The following BMAL2 variants were observed in gnomAD, a reference collection of about 807,000 sequenced individuals.
BMAL2 encodes the protein basic helix-loop-helix ARNT like 2.
chr12:27,363,361 A>C, the BMAL2 span, among the ~76,000 whole-genome samples: 1 of 152,176 alleles, frequency 6.6e-6, no homozygotes, highest in Non-Finnish European at 1.5e-5. Context: ...CAAGTCATAT[A>C]TTATATATGT....
chr12:27,363,699 A>C, the BMAL2 span, among the ~76,000 whole-genome samples: 73 of 152,290 alleles, frequency 4.8e-4, no homozygotes, highest in African/African-American at 1.8e-3. Context: ...TTCTTTATAT[A>C]ATCTGAATAT....
the BMAL2 span, among the ~76,000 whole-genome samples, chr12:27,408,888 C>T: frequency 6.6e-6 from 1 of 152,202 alleles, no homozygotes; most frequent in South Asian, 2.1e-4. Context: ...TAAGCAACTT[C>T]AGCAAAGTCT....
chr12:27,350,994 C>CCCCCCTT, the BMAL2 span, among the ~76,000 whole-genome samples: 106 of 94,272 alleles, frequency 1.1e-3, no homozygotes, highest in African/African-American at 2.0e-3. Flanking sequence ...CCCACCCCCC[C>CCCCCCTT]TTTTTTTTTT....
the BMAL2 span, among the ~76,000 whole-genome samples, chr12:27,344,025 G>C: frequency 6.6e-6 from 1 of 152,084 alleles, no homozygotes; most frequent in Non-Finnish European, 1.5e-5. Context: ...CTATGTGCTA[G>C]GTGTTCTAAA....
chr12:27,419,082 G>T, the BMAL2 span, among the ~76,000 whole-genome samples: 1 of 151,830 alleles, frequency 6.6e-6, no homozygotes, highest in Admixed American at 6.6e-5. Flanking sequence ...TAAAACCAAG[G>T]TATTTCTATC....
the BMAL2 span, among the ~76,000 whole-genome samples, chr12:27,364,257 G>A: frequency 2.0e-5 from 3 of 152,004 alleles, no homozygotes; most frequent in Non-Finnish European, 4.4e-5. Flanking sequence ...CATGAATTTC[G>A]GAGGAACACA....
At chr12:27,361,124 A>G in the BMAL2 span, among the ~76,000 whole-genome samples, 1 of 152,188 alleles carries the variant, frequency 6.6e-6, no homozygotes, top group Admixed American at 6.6e-5. Context: ...GCATGTGTGT[A>G]TACCCAATGT....
At chr12:27,395,637 A>AT in the BMAL2 span, among the ~76,000 whole-genome samples, 4 of 152,166 alleles carry the variant, frequency 2.6e-5, no homozygotes, top group Non-Finnish European at 5.9e-5. Context: ...TCCTAAAATG[A>AT]TTTTTTATTG....
the BMAL2 span, chr12:27,421,638 A>AT: frequency 6.6e-6 from 1 of 152,148 alleles, no homozygotes; most frequent in Admixed American, 6.5e-5. Flanking sequence ...GTAAAAAAAA[A>AT]GATTTAATAT....
At chr12:27,355,720 C>T in the BMAL2 span, among the ~76,000 whole-genome samples, 1 of 152,188 alleles carries the variant, frequency 6.6e-6, no homozygotes, top group Non-Finnish European at 1.5e-5. Flanking sequence ...GCTCTATGTC[C>T]TTGGAATCTA....
chr12:27,421,812 A>G, the BMAL2 span: 3 of 152,202 alleles, frequency 2.0e-5, no homozygotes, highest in Admixed American at 6.5e-5. Flanking sequence ...AGAGTTTTAA[A>G]TGTTTAATGT....
At chr12:27,368,322 C>T in the BMAL2 span, 24 of 1,614,102 alleles carry the variant, frequency 1.5e-5, no homozygotes, top group Admixed American at 4.0e-4. Context: ...CGCGTGAGTC[C>T]AGGGACAAGA....
chr12:27,344,579 C>T, the BMAL2 span, among the ~76,000 whole-genome samples: 1 of 152,178 alleles, frequency 6.6e-6, no homozygotes, highest in African/African-American at 2.4e-5. Flanking sequence ...TTTCTTTTTC[C>T]TCAAGGAAGA....
chr12:27,377,281 T>C, the BMAL2 span, among the ~76,000 whole-genome samples: 1 of 152,232 alleles, frequency 6.6e-6, no homozygotes. Context: ...CTTTCCTTAA[T>C]GAAAGCCTCC....
the BMAL2 span, among the ~76,000 whole-genome samples, chr12:27,337,972 A>G: frequency 6.6e-6 from 1 of 152,120 alleles, no homozygotes; most frequent in Non-Finnish European, 1.5e-5. Context: ...TGTGCCTATG[A>G]TAACACTTGT....
chr12:27,401,652 G>T, the BMAL2 span: 1 of 1,600,506 alleles, frequency 6.2e-7, no homozygotes, highest in South Asian at 1.1e-5. Context: ...GGAATATATT[G>T]TATCTGTCAA....
the BMAL2 span, among the ~76,000 whole-genome samples, chr12:27,407,475 A>G: frequency 1.2e-4 from 18 of 152,186 alleles, no homozygotes; most frequent in Non-Finnish European, 2.5e-4. Flanking sequence ...AAACTGAACA[A>G]CCTGCTCCTG....
the BMAL2 span, among the ~76,000 whole-genome samples, chr12:27,338,202 T>C: frequency 6.6e-6 from 1 of 152,228 alleles, no homozygotes; most frequent in Non-Finnish European, 1.5e-5. Flanking sequence ...CACTATTTAC[T>C]AGGCAAACAG....
At chr12:27,380,219 T>C in the BMAL2 span, 1 of 1,610,978 alleles carries the variant, frequency 6.2e-7, no homozygotes, top group Non-Finnish European at 8.5e-7. Flanking sequence ...GAATGTTAAA[T>C]ATAAAGGAAG....
Sources: allele counts gnomAD v4.1 joint callset (sites outside exome capture counted in the v4.1 genomes callset), GRCh38; gene constraint gnomAD v4.1.1; transcripts MANE v1.5; gene names NCBI Gene and HGNC (gene_info 2026-07-23, HGNC 2026-07-21).